The following NAV3 variants were observed in gnomAD, a reference collection of about 807,000 sequenced individuals.
The protein encoded by NAV3 is neuron navigator 3.
Under a neutral mutation model 244.7 loss-of-function variants are expected in NAV3, and 87 were observed. The ratio of observed to expected loss-of-function variants is 0.36; its 90% CI spans 0.30 to 0.42. The LOEUF is 0.42. Among genes scored for constraint, NAV3 ranks in the 20% least tolerant of loss-of-function variants. The pLI is 1.00. For missense variants in NAV3, 2,663 were observed against 2,893.3 expected (o/e 0.92, Z 1.83); for synonymous variants, 1,126 against 1,042.2 (o/e 1.08, Z -1.55).
At chr12:77,773,966 T>C (rs1870227062) in intron 2 of NAV3, among the ~76,000 whole-genome samples, 1 of 152,210 alleles carries the variant, frequency 6.6e-6, no homozygotes, top group South Asian at 2.1e-4. Flanking sequence ...TTATACTTTT[T>C]ATTATGTGCC....
intron 34 of NAV3, among the ~76,000 whole-genome samples, chr12:78,195,273 C>A (rs2442133): frequency 0.56 from 85,202 of 151,642 alleles, 24,366 homozygotes; most frequent in East Asian, 0.82. Flanking sequence ...TTTCTATAAC[C>A]ACAGAACACT....
At chr12:77,692,616 G>T (rs898977672) in intron 2 of NAV3, among the ~76,000 whole-genome samples, 2 of 152,024 alleles carry the variant, frequency 1.3e-5, no homozygotes, top group Non-Finnish European at 2.9e-5. Flanking sequence ...TAAAGGTGCT[G>T]AGCTGCTACC....
chr12:77,830,009 A>T (rs1873435164), upstream of NAV3, among the ~76,000 whole-genome samples: 1 of 152,184 alleles, frequency 6.6e-6, no homozygotes, highest in South Asian at 2.1e-4. Context: ...GGTGTATATA[A>T]TTGCTCTCTG....
intron 2 of NAV3, among the ~76,000 whole-genome samples, chr12:77,780,118 A>T (rs1344131316): frequency 6.6e-6 from 1 of 152,102 alleles, no homozygotes; most frequent in African/African-American, 2.4e-5. Flanking sequence ...TTTGTCAGAC[A>T]AAGTTGCAGA....
At chr12:77,797,365 G>A (rs1565817586) in intron 2 of NAV3, among the ~76,000 whole-genome samples, 2 of 151,936 alleles carry the variant, frequency 1.3e-5, no homozygotes, top group East Asian at 3.9e-4. Context: ...ATATAAAACA[G>A]CCCATTTGTG....
chr12:78,060,357 C>A (rs1381232217), intron 12 of NAV3, among the ~76,000 whole-genome samples: 1 of 152,088 alleles, frequency 6.6e-6, no homozygotes, highest in Non-Finnish European at 1.5e-5. Flanking sequence ...TCTCCTTACC[C>A]ACAGGCTGTT....
chr12:78,197,473 A>ATGCATTTT (rs1327788230), intron 35 of NAV3, 72 bp downstream of exon 35: 5 of 1,107,192 alleles, frequency 4.5e-6, no homozygotes, highest in Non-Finnish European at 6.2e-6. Flanking sequence ...TTGTACCTGT[A>ATGCATTTT]TGCATTTTTA....
intron 2 of NAV3, among the ~76,000 whole-genome samples, chr12:77,790,149 CT>C (rs1325654920): frequency 1.3e-5 from 2 of 152,190 alleles, no homozygotes; most frequent in African/African-American, 4.8e-5. Context: ...CTCAGTGCCC[CT>C]ACTGTCATTT....
At chr12:78,133,956 A>G (rs186268519) in intron 18 of NAV3, among the ~76,000 whole-genome samples, 1 of 152,336 alleles carries the variant, frequency 6.6e-6, no homozygotes, top group East Asian at 1.9e-4. Context: ...GAGCCATCTC[A>G]TAACCTGGTG....
chr12:77,746,903 C>T (rs1460598326), intron 2 of NAV3, among the ~76,000 whole-genome samples: 4 of 152,044 alleles, frequency 2.6e-5, no homozygotes, highest in Admixed American at 1.3e-4. Context: ...GTCATATAGT[C>T]TCAATAGTTA....
At chr12:77,665,101 G>T (rs945445170) in intron 2 of NAV3, among the ~76,000 whole-genome samples, 1 of 152,148 alleles carries the variant, frequency 6.6e-6, no homozygotes, top group Non-Finnish European at 1.5e-5. Context: ...CTAAAGAGTT[G>T]TAATTTATAT....
chr12:77,600,458 A>G (rs992549961), intron 2 of NAV3, among the ~76,000 whole-genome samples: 1 of 151,892 alleles, frequency 6.6e-6, no homozygotes, highest in Non-Finnish European at 1.5e-5. Flanking sequence ...CCCAAGCTTT[A>G]GTTCCTCTGA....
intron 1 of NAV3, among the ~76,000 whole-genome samples, chr12:77,837,791 G>C (rs1205534288): frequency 6.6e-6 from 1 of 152,184 alleles, no homozygotes; most frequent in Admixed American, 6.6e-5. Context: ...ATCAATCAGT[G>C]GTTGTGTGAA....
intron 2 of NAV3, among the ~76,000 whole-genome samples, chr12:77,807,656 TG>T (rs1872052716): frequency 6.6e-6 from 1 of 152,192 alleles, no homozygotes; most frequent in South Asian, 2.1e-4. Context: ...TTACGTGCCT[TG>T]GTGTTGCTCT....
At chr12:77,988,699 A>T (rs911557320) in intron 5 of NAV3, among the ~76,000 whole-genome samples, 3 of 152,006 alleles carry the variant, frequency 2.0e-5, no homozygotes, top group Non-Finnish European at 4.4e-5. Flanking sequence ...AAAAAAATGC[A>T]CTCTTCAATT....
At chr12:77,927,251 A>G (rs900207369) in intron 1 of NAV3, among the ~76,000 whole-genome samples, 1 of 152,218 alleles carries the variant, frequency 6.6e-6, no homozygotes, top group African/African-American at 2.4e-5. Flanking sequence ...TGAATTCCCC[A>G]TGGAGCTCTC....
At chr12:77,693,839 C>CT (rs990832744) in intron 2 of NAV3, among the ~76,000 whole-genome samples, 4 of 151,766 alleles carry the variant, frequency 2.6e-5, no homozygotes, top group Admixed American at 1.3e-4. Flanking sequence ...AGTTTATTTT[C>CT]TTTTTTTTGT....
intron 23 of NAV3, among the ~76,000 whole-genome samples, chr12:78,166,896 A>C (rs981190412): frequency 6.6e-6 from 1 of 151,730 alleles, no homozygotes; most frequent in Admixed American, 6.6e-5. Context: ...GTTTTAACAG[A>C]TTTTAATCCG....
intron 2 of NAV3, among the ~76,000 whole-genome samples, chr12:77,578,346 A>G (rs994407469): frequency 1.3e-5 from 2 of 152,162 alleles, no homozygotes; most frequent in Non-Finnish European, 2.9e-5. Flanking sequence ...ACAGTTTCTG[A>G]GAGCACCCCA....
Sources: gnomAD v4.1 joint callset for allele counts (sites outside exome capture counted in the v4.1 genomes callset) on GRCh38, gnomAD v4.1.1 for gene constraint, MANE v1.5 for transcripts, NCBI Gene and HGNC (gene_info 2026-07-23, HGNC 2026-07-21) for gene names.